TAFA1: variants seen among roughly 807,000 people sequenced by gnomAD.
The protein encoded by TAFA1 is TAFA chemokine like family member 1.
In TAFA1, 4 loss-of-function variants were observed where a neutral mutation model predicts 18.5. That is an observed-to-expected ratio of 0.22 (90% CI 0.11 to 0.49). The LOEUF (loss-of-function observed/expected upper bound fraction) is 0.49, where lower values mean the gene tolerates loss of function less well. TAFA1 is among the 20% of genes least tolerant of loss of function. TAFA1 has a pLI of 0.98. For missense variants in TAFA1, 147 were observed against 169.0 expected (o/e 0.87, Z 0.72); for synonymous variants, 56 against 55.2 (o/e 1.01, Z -0.06).
chr3:68,498,721 G>GT lies in TAFA1; in HGVS notation c.260-40035_260-40034insT, dbSNP rs1559694779. Among the ~76,000 whole-genome samples, 11 of 101,694 alleles carry GT rather than the reference G, an allele frequency of 1.1e-4. 1 individual carries two copies. The highest frequency in any genetic ancestry group is 2.1e-4 in the African/African-American group (4 of 18,846). 66.7% of individuals were successfully genotyped at this position (101,694 alleles called of 152,430 possible). ...AAATTCCTCCCAAAGCCGTTTGGTGGCTTTTTTTTTTTTTTTTTTTTTTTT... is the reference window on the plus strand; with the variant it reads ...AAATTCCTCCCAAAGCCGTTTGGTGGTCTTTTTTTTTTTTTTTTTTTTTTTT... On this transcript the variant is annotated intron_variant, in intron 3 of 4. Coordinates refer to ENST00000478136, the MANE Select transcript of TAFA1 (RefSeq NM_213609.4).
At chr3:68,276,590 A>G (rs1199261539) in intron 2 of TAFA1, among the ~76,000 whole-genome samples, 1 of 152,214 alleles carries the variant, frequency 6.6e-6, no homozygotes, top group Non-Finnish European at 1.5e-5. Context: ...CATTCTTAGC[A>G]GAAAACAAAG....
chr3:68,239,896 T>A (rs1295334965), intron 2 of TAFA1, among the ~76,000 whole-genome samples: 1 of 152,220 alleles, frequency 6.6e-6, no homozygotes, highest in South Asian at 2.1e-4. Flanking sequence ...GCCTTTTAAA[T>A]ATATAATAGC....
chr3:68,285,573 A>G (rs1021817341), intron 2 of TAFA1, among the ~76,000 whole-genome samples: 1 of 152,112 alleles, frequency 6.6e-6, no homozygotes, highest in African/African-American at 2.4e-5. Context: ...ACAGAAAATT[A>G]ATGACTTTAT....
chr3:68,230,737 A>C (rs1330061402), intron 2 of TAFA1, among the ~76,000 whole-genome samples: 1 of 152,218 alleles, frequency 6.6e-6, no homozygotes, highest in African/African-American at 2.4e-5. Flanking sequence ...CATTGTCACC[A>C]ACAGTGTATG....
chr3:68,157,802 G>C (rs2065881744), intron 2 of TAFA1, among the ~76,000 whole-genome samples: 1 of 152,138 alleles, frequency 6.6e-6, no homozygotes, highest in Non-Finnish European at 1.5e-5. Context: ...CAACTGCTAG[G>C]TGGATAGACA....
chr3:68,350,141 A>G (rs575047476), intron 2 of TAFA1, among the ~76,000 whole-genome samples: 5 of 152,256 alleles, frequency 3.3e-5, no homozygotes, highest in African/African-American at 1.2e-4. Context: ...GGATAACAAG[A>G]CTGCAGTAAG....
intron 2 of TAFA1, among the ~76,000 whole-genome samples, chr3:68,250,142 T>G (rs9832554): frequency 0.078 from 11,795 of 152,152 alleles, 507 homozygotes; most frequent in South Asian, 0.12. Flanking sequence ...CGCCTCATCA[T>G]CCAGGGTGAT....
intron 2 of TAFA1, among the ~76,000 whole-genome samples, chr3:68,132,177 A>T (rs2065548115): frequency 6.6e-6 from 1 of 152,158 alleles, no homozygotes; most frequent in African/African-American, 2.4e-5. Context: ...GATGGTTTCC[A>T]GCTTCATCCA....
chr3:68,128,401 C>T (rs935831982), intron 2 of TAFA1, among the ~76,000 whole-genome samples: 1 of 152,154 alleles, frequency 6.6e-6, no homozygotes, highest in Non-Finnish European at 1.5e-5. Context: ...CCAACCACAA[C>T]TTTATTAGCC....
intron 2 of TAFA1, among the ~76,000 whole-genome samples, chr3:68,025,356 C>T (rs1031367443): frequency 3.3e-5 from 5 of 152,172 alleles, no homozygotes; most frequent in East Asian, 1.9e-4. Context: ...ACTTCCTCTA[C>T]GTGGATTATA....
At chr3:68,355,088 T>C (rs1050027488) in intron 2 of TAFA1, among the ~76,000 whole-genome samples, 1 of 151,988 alleles carries the variant, frequency 6.6e-6, no homozygotes, top group African/African-American at 2.4e-5. Context: ...TTTTTTTCAC[T>C]GTGGACATAT....
At chr3:68,308,942 C>A (rs755956686) in intron 2 of TAFA1, among the ~76,000 whole-genome samples, 13 of 152,156 alleles carry the variant, frequency 8.5e-5, no homozygotes, top group Non-Finnish European at 1.5e-4. Flanking sequence ...ATCTTTATCA[C>A]CTTGCTTCTC....
At chr3:68,104,386 A>G (rs1234794203) in intron 2 of TAFA1, among the ~76,000 whole-genome samples, 1 of 152,080 alleles carries the variant, frequency 6.6e-6, no homozygotes. Context: ...ATTGTAAAAT[A>G]TATTAACAGA....
chr3:68,245,796 G>T (rs891964866), intron 2 of TAFA1, among the ~76,000 whole-genome samples: 8 of 152,170 alleles, frequency 5.3e-5, no homozygotes, highest in Non-Finnish European at 1.2e-4. Context: ...TCAATGTTTT[G>T]CTCTTGAGGA....
chr3:68,416,583 G>A (rs536035881), intron 2 of TAFA1, among the ~76,000 whole-genome samples: 4 of 152,234 alleles, frequency 2.6e-5, no homozygotes, highest in Admixed American at 6.5e-5. Context: ...ATGCAGAGCC[G>A]GCAGTTCACC....
chr3:68,250,315 C>T (rs1205832326), intron 2 of TAFA1, among the ~76,000 whole-genome samples: 1 of 152,144 alleles, frequency 6.6e-6, no homozygotes. Flanking sequence ...GAGACAGTCT[C>T]AGAACTGATC....
intron 2 of TAFA1, among the ~76,000 whole-genome samples, chr3:68,064,866 CTTTTCTT>C (rs1432271970): frequency 3.3e-5 from 5 of 151,922 alleles, no homozygotes; most frequent in African/African-American, 1.2e-4. Flanking sequence ...CATTTAAACT[CTTTTCTT>C]TATTCTTTCT....
chr3:68,379,994 C>T (rs930178519), intron 2 of TAFA1, among the ~76,000 whole-genome samples: 5 of 151,802 alleles, frequency 3.3e-5, no homozygotes, highest in Admixed American at 2.6e-4. Context: ...TCAACTCCCA[C>T]CTATGAGTGA....
intron 3 of TAFA1, among the ~76,000 whole-genome samples, chr3:68,479,317 C>T (rs1432929766): frequency 6.7e-6 from 1 of 149,988 alleles, no homozygotes; most frequent in African/African-American, 2.5e-5. Context: ...AATATATTGT[C>T]TGTACATATA....
Sources: gnomAD v4.1 joint callset for allele counts (sites outside exome capture counted in the v4.1 genomes callset) on GRCh38, gnomAD v4.1.1 for gene constraint, MANE v1.5 for transcripts, NCBI Gene and HGNC (gene_info 2026-07-23, HGNC 2026-07-21) for gene names.